STK35: variants seen among roughly 807,000 people sequenced by gnomAD.
The protein encoded by STK35 is serine/threonine-protein kinase 35.
STK35 carries 17 observed loss-of-function variants against 37.3 expected under a neutral mutation model. The observed-to-expected ratio is 0.46, with a 90% CI of 0.31 to 0.68. The LOEUF (loss-of-function observed/expected upper bound fraction) is 0.68. Among genes scored for constraint, STK35 ranks in the 30% least tolerant of loss-of-function variants. The pLI is 0.05. For missense variants in STK35, 595 were observed against 746.7 expected (o/e 0.80, Z 2.37); for synonymous variants, 385 against 319.1 (o/e 1.21, Z -2.20).
At chr20:2,126,512 G>T (rs1255442985) in intron 3 of STK35, among the ~76,000 whole-genome samples, 1 of 152,164 alleles carries the variant, frequency 6.6e-6, no homozygotes, top group Non-Finnish European at 1.5e-5. Flanking sequence ...CAGGAGGAAA[G>T]GGTACTACTG....
chr20:2,117,111 A>G lies in STK35; in HGVS notation c.1338A>G (p.Ala446=), dbSNP rs777533017. ...TTGCCCTGGGCATTATCATCTGGGC[A>G]ATGATAGAAAGAATCACTTTTATTG... ...DIFALGIIIW[A]MIERITFIDS... is the part of the protein sequence containing the mutation. The change falls in exon 3 of 4, where the codon GCA becomes GCG. Residue 446 remains alanine (A), a synonymous_variant. Coordinates refer to ENST00000381482, the MANE Select transcript of STK35 (RefSeq NM_080836.4). The surrounding 1 kb of genome is among the most constrained non-coding windows in gnomAD (Gnocchi z 4.4). The G allele has an allele frequency of 1.2e-6, 2 of 1,613,836 alleles. No homozygotes were observed. Among genetic ancestry groups the G allele is most frequent in the Non-Finnish European group, 1.7e-6 (2 of 1,179,796 alleles).
chr20:2,115,009 T>C (rs1385559034), intron 2 of STK35, among the ~76,000 whole-genome samples: 1 of 152,218 alleles, frequency 6.6e-6, no homozygotes, highest in Non-Finnish European at 1.5e-5. Context: ...ATAGAGGGCC[T>C]CTGCCCATGA....
intron 3 of STK35, among the ~76,000 whole-genome samples, chr20:2,141,248 G>T (rs543850095): frequency 2.0e-5 from 3 of 152,186 alleles, no homozygotes; most frequent in Non-Finnish European, 2.9e-5. Flanking sequence ...TGTTTATGAT[G>T]ATTTTCTTTT....
intron 2 of STK35, 44 bp downstream of exon 2, chr20:2,103,409 C>A: frequency 6.4e-7 from 1 of 1,565,920 alleles, no homozygotes; most frequent in Non-Finnish European, 8.7e-7. Flanking sequence ...GGCCTGGACC[C>A]CCTGCTCTCC....
chr20:2,129,200 C>T (rs191070379), intron 3 of STK35, among the ~76,000 whole-genome samples: 6 of 152,280 alleles, frequency 3.9e-5, no homozygotes, highest in African/African-American at 9.6e-5. Flanking sequence ...ATGTATTGAG[C>T]ACCCGCTGTG....
At chr20:2,111,641 A>C (rs1444460839) in intron 2 of STK35, among the ~76,000 whole-genome samples, 1 of 152,224 alleles carries the variant, frequency 6.6e-6, no homozygotes, top group African/African-American at 2.4e-5. Flanking sequence ...AGGTAGAGGC[A>C]GCAGTGAGCT....
intron 3 of STK35, among the ~76,000 whole-genome samples, chr20:2,139,504 A>G (rs1986138969): frequency 6.6e-6 from 1 of 152,208 alleles, no homozygotes; most frequent in Non-Finnish European, 1.5e-5. Context: ...GGGATTTTGC[A>G]TCGTTACATG....
At chr20:2,135,401 C>T (rs907150020) in intron 3 of STK35, among the ~76,000 whole-genome samples, 3 of 152,218 alleles carry the variant, frequency 2.0e-5, no homozygotes, top group Non-Finnish European at 2.9e-5. Flanking sequence ...CCTCTTTCAA[C>T]AATCCATGTG....
At chr20:2,103,421 G>A in intron 2 of STK35, 56 bp downstream of exon 2, 1 of 1,541,700 alleles carries the variant, frequency 6.5e-7, no homozygotes, top group South Asian at 1.2e-5. Flanking sequence ...CTGCTCTCCG[G>A]ACGGCTTGGC....
intron 3 of STK35, among the ~76,000 whole-genome samples, chr20:2,137,144 A>G (rs554599932): frequency 1.3e-5 from 2 of 152,128 alleles, no homozygotes; most frequent in African/African-American, 4.8e-5. Flanking sequence ...TTTGGATGTG[A>G]TTTGCAGCCA....
At position 2,144,699 on chromosome 20, in the gene STK35, C is replaced by T. The variant is rs1986229695; in HGVS notation, c.*953C>T. The T allele has an allele frequency of 6.5e-6, 1 of 153,004 alleles. No homozygotes were observed. The highest frequency in any genetic ancestry group is 6.5e-5 in the Admixed American group (1 of 15,284). 9.5% of individuals were successfully genotyped at this position (153,004 alleles called of 1,614,324 possible). On this transcript the variant is annotated 3_prime_UTR_variant, in exon 4 of 4. Coordinates refer to ENST00000381482, the MANE Select transcript of STK35 (RefSeq NM_080836.4). ...GTCAGCGCTTCTCACCTAACTGCCT[C>T]CTGGATTGTCATCTTCCCAGATGTG... is the stretch of plus-strand genomic sequence containing the variant.
At position 2,107,334 on chromosome 20, in the gene STK35, GC is replaced by G. The variant is rs1985534718; in HGVS notation, c.892+3971del. 2.0e-5 allele frequency among the ~76,000 whole-genome samples: 3 copies of G among 152,240 alleles called. No homozygotes were observed. The South Asian group carries it at 6.2e-4, about 32-fold the overall frequency. On this transcript the variant is annotated intron_variant, in intron 2 of 3. Transcript: ENST00000381482. ...ACAGAATAGTTAGAAGTTTGGGAGA[GC>G]CGGGAGCCTAGCTTACACTCAACTT...
chr20:2,103,029 C>A lies in STK35; in HGVS notation c.556C>A (p.Leu186Met). The A allele has an allele frequency of 6.8e-7, 1 of 1,470,792 alleles. No homozygotes were observed. The highest frequency in any genetic ancestry group is 1.3e-5 in the South Asian group (1 of 74,142). The allele number at this position is 1,470,792 out of a possible 1,614,324, so 91.1% of individuals were successfully genotyped here. The stretch of plus-strand genomic sequence containing the variant: ...GGCCGAGGCCCCGGGCGAGGCCTTC[C>A]TGGCGCGGCGACGGCCTGAGGGCGG... ...VAAEAPGEAF[L>M]ARRRPEGGGG... Residue 186 changes from leucine to methionine, a missense_variant, in exon 2 of 4, where the codon CTG becomes ATG. Leu to Met is a conservative substitution (Grantham distance 15, BLOSUM62 2). Around this residue, in one of 3 missense-constraint regions of STK35, gnomAD observed 389 missense variants for 320.0 expected, o/e 1.22. Coordinates refer to ENST00000381482, the MANE Select transcript of STK35 (RefSeq NM_080836.4).
intron 3 of STK35, among the ~76,000 whole-genome samples, chr20:2,131,048 C>T (rs543473550): frequency 3.3e-5 from 5 of 152,274 alleles, no homozygotes; most frequent in East Asian, 3.9e-4. Flanking sequence ...TATACTCATG[C>T]GTCACTTAAT....
At chr20:2,137,832 G>T (rs897168504) in intron 3 of STK35, among the ~76,000 whole-genome samples, 1 of 152,136 alleles carries the variant, frequency 6.6e-6, no homozygotes, top group African/African-American at 2.4e-5. Context: ...GTCTGAATGT[G>T]AAAAGCCAGA....
chr20:2,122,325 C>G (rs542996543), intron 3 of STK35, among the ~76,000 whole-genome samples: 1 of 152,232 alleles, frequency 6.6e-6, no homozygotes, highest in Non-Finnish European at 1.5e-5. Flanking sequence ...GAGAGGGACT[C>G]TGTCTCAAAA....
At chr20:2,103,397 A>G in intron 2 of STK35, 32 bp downstream of exon 2, 1 of 1,590,744 alleles carries the variant, frequency 6.3e-7, no homozygotes, top group South Asian at 1.1e-5. Flanking sequence ...CCACCCACGC[A>G]GGGCCTGGAC....
In STK35 at chr20:2,135,603, C is replaced by T. The variant is rs79909176; in HGVS notation, c.*38-8181C>T. On this transcript the variant is annotated intron_variant, in intron 3 of 3. Transcript: ENST00000381482. ...TTGGGCAGGGCGTTGTGGCTCACAC[C>T]TGTAATCCCAGCACTTTGGGAGGCC... 1.2e-3 allele frequency among the ~76,000 whole-genome samples: 185 copies of T among 152,324 alleles called. 1 individual carries two copies. Among genetic ancestry groups the T allele is most frequent in the African/African-American group, 4.2e-3 (174 of 41,566 alleles).
In STK35 at chr20:2,117,533, C is replaced by G. The variant is rs563140017; in HGVS notation, c.*37+118C>G. 2.6e-4 allele frequency: 147 copies of G among 574,674 alleles called. 1 individual carries two copies. The highest frequency in any genetic ancestry group is 7.3e-4 in the South Asian group (27 of 37,036). 35.6% of individuals were successfully genotyped at this position (574,674 alleles called of 1,614,324 possible). A position where few individuals can be genotyped will look rare whatever the true frequency, so the allele number is the denominator to read the frequency against. The stretch of plus-strand genomic sequence containing the variant: ...GATCTCAGCTCACTGCAACCTCCAC[C>G]TCCCGAGTTCAAGTGATTCTCGTGC... On this transcript the variant is annotated intron_variant, in intron 3 of 3. Transcript: ENST00000381482. This position sits in a 1 kb window ranked among gnomAD's most constrained non-coding sequence, Gnocchi z 4.4.
Sources: allele counts gnomAD v4.1 joint callset (sites outside exome capture counted in the v4.1 genomes callset), GRCh38; gene constraint gnomAD v4.1.1; regional missense constraint gnomAD v4.1.1; non-coding constraint Gnocchi (gnomAD v3.1); transcripts MANE v1.5; gene names NCBI Gene and HGNC (gene_info 2026-07-23, HGNC 2026-07-21).